Variants in MEI4 observed in about 807,000 individuals in gnomAD.
The protein encoded by MEI4 is meiosis-specific protein MEI4.
In MEI4, 27 loss-of-function variants were observed where a neutral mutation model predicts 31.4. The ratio of observed to expected loss-of-function variants is 0.86; its 90% CI spans 0.63 to 1.19. MEI4 has a LOEUF of 1.19. Ranked by LOEUF, MEI4 falls within the 50% of genes most tolerant of loss-of-function variation. The probability of loss-of-function intolerance (pLI) is 0.00; values close to 1 mark genes in which losing one functional copy is unlikely to be tolerated. For synonymous variants in MEI4, 122 were observed against 145.4 expected, an observed-to-expected ratio of 0.84 and a Z score of 1.16; for missense variants, 329 against 398.9, an observed-to-expected ratio of 0.82 and a Z score of 1.49.
chr6:77,733,200 T>C (rs1343082964), intron 2 of MEI4, among the ~76,000 whole-genome samples: 1 of 151,942 alleles, frequency 6.6e-6, no homozygotes, highest in African/African-American at 2.4e-5. Flanking sequence ...TCAGAAGGAA[T>C]GGTACCAGCT....
chr6:77,867,668 A>T (rs1170959629), intron 4 of MEI4, among the ~76,000 whole-genome samples: 1 of 152,224 alleles, frequency 6.6e-6, no homozygotes, highest in Non-Finnish European at 1.5e-5. Context: ...GCAATTCCTC[A>T]GGGGTCTAGA....
At chr6:77,879,255 G>T (rs1771421921) in intron 4 of MEI4, among the ~76,000 whole-genome samples, 1 of 152,070 alleles carries the variant, frequency 6.6e-6, no homozygotes, top group Non-Finnish European at 1.5e-5. Context: ...TGAACATTGT[G>T]AAAGTTTGAG....
intron 4 of MEI4, among the ~76,000 whole-genome samples, chr6:77,899,041 C>A (rs868403740): frequency 1.3e-5 from 2 of 152,078 alleles, no homozygotes; most frequent in Admixed American, 6.6e-5. Context: ...TTCTATTAAT[C>A]CATGGGTGTC....
At position 77,821,826 on chromosome 6, in the gene MEI4, G is replaced by A. The variant is rs925166684; in HGVS notation, c.769-7105G>A. On this transcript the variant is annotated intron_variant, in intron 3 of 4. Coordinates refer to ENST00000684080, the MANE Select transcript of MEI4 (RefSeq NM_001322247.2). ...AAAAAAAAAAAAAAAAAAAAAAATC[G>A]TGCTGCTTACTGGTATTATTATTAT... Among the ~76,000 whole-genome samples the A allele has an allele frequency of 1.5e-4, 22 of 142,436 alleles. No individual in the cohort carries two copies. The East Asian group carries it at 2.0e-3, about 13-fold the overall frequency. 93.4% of individuals were successfully genotyped at this position (142,436 alleles called of 152,430 possible).
chr6:77,751,460 T>A (rs1349432312), intron 2 of MEI4, among the ~76,000 whole-genome samples: 1 of 151,942 alleles, frequency 6.6e-6, no homozygotes, highest in Non-Finnish European at 1.5e-5. Flanking sequence ...CCCACAGAAA[T>A]ACAAACTACC....
chr6:77,680,659 C>G (rs75200266), intron 1 of MEI4, among the ~76,000 whole-genome samples: 2 of 149,886 alleles, frequency 1.3e-5, no homozygotes, highest in South Asian at 4.1e-4. Flanking sequence ...AACAGTCCCT[C>G]TCTCTTAATA....
chr6:77,810,318 T>C (rs1769545615), intron 3 of MEI4, among the ~76,000 whole-genome samples: 1 of 152,166 alleles, frequency 6.6e-6, no homozygotes, highest in African/African-American at 2.4e-5. Flanking sequence ...TGTTGGGGAT[T>C]CTGTAAGATT....
At chr6:77,783,715 C>G (rs1197538604) in intron 3 of MEI4, among the ~76,000 whole-genome samples, 1 of 151,954 alleles carries the variant, frequency 6.6e-6, no homozygotes, top group Non-Finnish European at 1.5e-5. Flanking sequence ...GAAAGAACAT[C>G]AAGTTGAACA....
chr6:77,712,212 A>AT (rs1433697301), intron 2 of MEI4, among the ~76,000 whole-genome samples: 1 of 152,168 alleles, frequency 6.6e-6, no homozygotes, highest in African/African-American at 2.4e-5. Flanking sequence ...TATCTACATG[A>AT]TTTTTAGTTA....
At chr6:77,895,805 G>A (rs960008182) in intron 4 of MEI4, among the ~76,000 whole-genome samples, 3 of 152,032 alleles carry the variant, frequency 2.0e-5, no homozygotes, top group East Asian at 1.9e-4. Context: ...AGACAGACAC[G>A]TAAAGTTTTA....
At chr6:77,782,940 T>A (rs1216158090) in intron 3 of MEI4, among the ~76,000 whole-genome samples, 1 of 152,220 alleles carries the variant, frequency 6.6e-6, no homozygotes, top group Non-Finnish European at 1.5e-5. Context: ...ACTTTATTTC[T>A]CCTTAGAGCT....
chr6:77,731,975 C>T lies in MEI4; in HGVS notation c.233-29155C>T, dbSNP rs1393063300. ...TTATTTCTGAGGGCTCTGTTCTGTT[C>T]CATTGATCTATATCTCTGTTTTGGT... On this transcript the variant is annotated intron_variant, in intron 2 of 4. Transcript: ENST00000684080. Among the ~76,000 whole-genome samples the T allele has an allele frequency of 2.7e-5, 4 of 147,458 alleles. No homozygotes were observed. The South Asian group carries it at 8.5e-4, about 31-fold the overall frequency.
intron 3 of MEI4, among the ~76,000 whole-genome samples, chr6:77,803,783 A>G (rs147560972): frequency 0.067 from 10,252 of 152,220 alleles, 444 homozygotes; most frequent in Non-Finnish European, 0.095. Context: ...TCTGCAGAAC[A>G]GCGGATATTG....
rs1354227620 is a variant in MEI4 at position 77,820,503 on chromosome 6, C to T, written c.769-8428C>T. On this transcript the variant is annotated intron_variant, in intron 3 of 4. Coordinates refer to ENST00000684080, the MANE Select transcript of MEI4 (RefSeq NM_001322247.2). This position sits in a 1 kb window ranked among gnomAD's most constrained non-coding sequence, Gnocchi z 4.5. ...CTGGTCTGGAACCCCTGACCTCAGG[C>T]AATTCGCCTGCCTAGGCCTCCCAAA... Among the ~76,000 whole-genome samples, 7 of 152,246 alleles carry T rather than the reference C, an allele frequency of 4.6e-5. No individual in the cohort carries two copies. The highest frequency in any genetic ancestry group is 3.3e-4 in the Admixed American group (5 of 15,286).
Position 77,827,180 on chromosome 6 carries a change from G to A in MEI4, c.769-1751G>A, listed in dbSNP as rs1162456156. Among the ~76,000 whole-genome samples the A allele has an allele frequency of 2.0e-5, 3 of 151,838 alleles. No individual in the cohort carries two copies. In the East Asian group the frequency reaches 5.8e-4, roughly 29 times the overall value. On this transcript the variant is annotated intron_variant, in intron 3 of 4. Coordinates refer to ENST00000684080, the MANE Select transcript of MEI4 (RefSeq NM_001322247.2). ...TCAAGACCATCCTGGCTAACACGGT[G>A]AAACCCTGTCTCTACTAAAAATACA...
At chr6:77,765,892 A>C (rs1284517745) in intron 3 of MEI4, among the ~76,000 whole-genome samples, 1 of 152,178 alleles carries the variant, frequency 6.6e-6, no homozygotes, top group Non-Finnish European at 1.5e-5. Flanking sequence ...TTGTAGGATG[A>C]AGCTGGAAAC....
chr6:77,900,997 C>T (rs1766176977), intron 4 of MEI4, among the ~76,000 whole-genome samples: 1 of 152,004 alleles, frequency 6.6e-6, no homozygotes, highest in African/African-American at 2.4e-5. Context: ...TTTAACTTAA[C>T]ATAATGTCCT....
At chr6:77,735,218 C>G (rs1209570049) in intron 2 of MEI4, among the ~76,000 whole-genome samples, 2 of 151,998 alleles carry the variant, frequency 1.3e-5, no homozygotes, top group Non-Finnish European at 1.5e-5. Context: ...GGATAATATC[C>G]TGCAGAGTGT....
At chr6:77,724,915 C>A (rs1272814857) in intron 2 of MEI4, among the ~76,000 whole-genome samples, 1 of 145,482 alleles carries the variant, frequency 6.9e-6, no homozygotes, top group Non-Finnish European at 1.5e-5. Flanking sequence ...CTTGTCTTTT[C>A]ATTACAATCT....
Sources: allele counts gnomAD v4.1 joint callset (sites outside exome capture counted in the v4.1 genomes callset), GRCh38; gene constraint gnomAD v4.1.1; non-coding constraint Gnocchi (gnomAD v3.1); transcripts MANE v1.5; gene names NCBI Gene and HGNC (gene_info 2026-07-23, HGNC 2026-07-21).